RASGRP1: variants seen among roughly 807,000 people sequenced by gnomAD.
The protein encoded by RASGRP1 is RAS guanyl-releasing protein 1.
A neutral mutation model predicts 95.1 loss-of-function variants in RASGRP1; 37 were observed. The observed-to-expected ratio is 0.39, with a 90% confidence interval of 0.30 to 0.51. The LOEUF (loss-of-function observed/expected upper bound fraction) is 0.51. Among genes scored for constraint, RASGRP1 ranks in the 20% least tolerant of loss-of-function variants. The pLI, the probability that RASGRP1 is intolerant of heterozygous loss-of-function variation, is 0.80. For synonymous variants in RASGRP1, 325 were observed against 353.4 expected (o/e 0.92, Z 0.90); for missense variants, 711 against 965.4 (o/e 0.74, Z 3.49).
intron 3 of RASGRP1, among the ~76,000 whole-genome samples, chr15:38,523,300 T>C (rs1892069586): frequency 6.6e-6 from 1 of 152,228 alleles, no homozygotes; most frequent in African/African-American, 2.4e-5. Context: ...CCTGTCTTCA[T>C]AATCCTGACC....
chr15:38,503,224 G>A, intron 11 of RASGRP1, 48 bp downstream of exon 11: 1 of 1,454,662 alleles, frequency 6.9e-7, no homozygotes, highest in Non-Finnish European at 9.5e-7. Flanking sequence ...ATACAAAACT[G>A]AGCCAGGCAA....
At chr15:38,530,160 C>T (rs1892381401) in intron 2 of RASGRP1, among the ~76,000 whole-genome samples, 1 of 152,180 alleles carries the variant, frequency 6.6e-6, no homozygotes, top group Non-Finnish European at 1.5e-5. Flanking sequence ...CTAGTGCAGG[C>T]TGGGTGCTGC....
At chr15:38,554,964 T>C (rs1050289240) in intron 2 of RASGRP1, among the ~76,000 whole-genome samples, 1 of 152,246 alleles carries the variant, frequency 6.6e-6, no homozygotes, top group African/African-American at 2.4e-5. Context: ...TTGCCTGTTA[T>C]TAGGTCTGCA....
At chr15:38,501,395 G>A in intron 12 of RASGRP1, 108 bp from the exon 13 acceptor site, 1 of 1,293,234 alleles carries the variant, frequency 7.7e-7, no homozygotes, top group Non-Finnish European at 1.1e-6. Context: ...ATCCTCAGTG[G>A]TAATATGGTA....
At chr15:38,512,184 G>A (rs536991041) in intron 7 of RASGRP1, among the ~76,000 whole-genome samples, 1 of 152,320 alleles carries the variant, frequency 6.6e-6, no homozygotes, top group African/African-American at 2.4e-5. Flanking sequence ...ATTATTAAGT[G>A]TAATCTTTTA....
intron 9 of RASGRP1, among the ~76,000 whole-genome samples, chr15:38,507,437 TAGGACTGCTTTTGTAG>T (rs1397669022): frequency 6.6e-6 from 1 of 152,182 alleles, no homozygotes. Flanking sequence ...CCAGAGAGCT[TAGGACTGCTTTTGTAG>T]AGGTAGTGAA....
rs921642020 is a variant in RASGRP1 at position 38,490,287 on chromosome 15, T to G, written c.*267A>C. 3.5e-6 allele frequency: 1 copy of G among 284,206 alleles called. No individual in the cohort carries two copies. The highest frequency in any genetic ancestry group is 6.5e-6 in the Non-Finnish European group (1 of 154,672). The allele number at this position is 284,206 out of a possible 1,614,324, so 17.6% of individuals were successfully genotyped here. ...CCATTGTCAGGAAATGATAGTCATG[T>G]TTTAGATCGCATACTTTTGATGAAC... On this transcript the variant is annotated 3_prime_UTR_variant, in exon 17 of 17. Coordinates refer to ENST00000310803, the MANE Select transcript of RASGRP1 (RefSeq NM_005739.4).
At chr15:38,547,861 G>A (rs898693292) in intron 2 of RASGRP1, among the ~76,000 whole-genome samples, 2 of 151,970 alleles carry the variant, frequency 1.3e-5, no homozygotes, top group East Asian at 1.9e-4. Context: ...GTGTGTGCGC[G>A]CGCGCGTGTG....
At chr15:38,506,725 C>A (rs1891275375) in intron 9 of RASGRP1, among the ~76,000 whole-genome samples, 1 of 150,624 alleles carries the variant, frequency 6.6e-6, no homozygotes. Context: ...TAATATTATT[C>A]TTAACCTTGA....
At chr15:38,498,390 AT>A (rs1890879334) in intron 15 of RASGRP1, among the ~76,000 whole-genome samples, 1 of 152,168 alleles carries the variant, frequency 6.6e-6, no homozygotes, top group Non-Finnish European at 1.5e-5. Context: ...TTTATATATT[AT>A]ATATGTTAAT....
At chr15:38,506,901 A>C (rs1056804699) in intron 9 of RASGRP1, among the ~76,000 whole-genome samples, 1 of 152,192 alleles carries the variant, frequency 6.6e-6, no homozygotes, top group Non-Finnish European at 1.5e-5. Flanking sequence ...ATGATGTCTG[A>C]GACACAGACC....
intron 2 of RASGRP1, among the ~76,000 whole-genome samples, chr15:38,528,406 T>G (rs199707241): frequency 1.1e-4 from 1 of 8,704 alleles, no homozygotes; most frequent in Non-Finnish European, 2.9e-4. Context: ...AAATCTTTTA[T>G]TTTTCAAAGT....
At chr15:38,491,263 T>G (rs770406306) in intron 16 of RASGRP1, among the ~76,000 whole-genome samples, 1 of 152,206 alleles carries the variant, frequency 6.6e-6, no homozygotes, top group Non-Finnish European at 1.5e-5. Flanking sequence ...CCTATACTGA[T>G]TACTCCAAGA....
chr15:38,554,287 TAAC>T (rs946201209), intron 2 of RASGRP1, among the ~76,000 whole-genome samples: 1 of 152,128 alleles, frequency 6.6e-6, no homozygotes, highest in Non-Finnish European at 1.5e-5. Context: ...AGGAGCAAAA[TAAC>T]AACCACCTCA....
At position 38,490,488 on chromosome 15, in the gene RASGRP1, G is replaced by A. The variant is rs1890529441; in HGVS notation, c.*66C>T. Reference sequence around the variant, plus strand: ...GGTCAGTGTAAAGTTCCTCAGGTCTGTGCATTACAGTTTAGGAAATGAGAT... The same window carrying A: ...GGTCAGTGTAAAGTTCCTCAGGTCTATGCATTACAGTTTAGGAAATGAGAT... On this transcript the variant is annotated 3_prime_UTR_variant, in exon 17 of 17. Coordinates refer to ENST00000310803, the MANE Select transcript of RASGRP1 (RefSeq NM_005739.4). 3 of 1,537,562 alleles carry A rather than the reference G, an allele frequency of 2.0e-6. No individual in the cohort carries two copies. The highest frequency in any genetic ancestry group is 2.5e-5 in the South Asian group (2 of 79,302).
At position 38,502,047 on chromosome 15, in the gene RASGRP1, G is replaced by A. The variant is rs566300057; in HGVS notation, c.1538+265C>T. On this transcript the variant is annotated intron_variant, in intron 12 of 16. Coordinates refer to ENST00000310803, the MANE Select transcript of RASGRP1 (RefSeq NM_005739.4). Reference sequence around the variant, plus strand: ...TTTTTGTATTTTTAGTAGAGACAGGGTTTCACCATGTTGGCCAGGTTGGTC... The same window carrying A: ...TTTTTGTATTTTTAGTAGAGACAGGATTTCACCATGTTGGCCAGGTTGGTC... Among the ~76,000 whole-genome samples the A allele has an allele frequency of 6.6e-5, 10 of 152,174 alleles. No homozygotes were observed. The East Asian group carries it at 1.9e-3, about 29-fold the overall frequency.
intron 1 of RASGRP1, among the ~76,000 whole-genome samples, chr15:38,563,812 G>A (rs1893910564): frequency 6.6e-6 from 1 of 152,178 alleles, no homozygotes; most frequent in Admixed American, 6.5e-5. Flanking sequence ...GCCGCTACTG[G>A]GTATGGTGGT....
intron 2 of RASGRP1, among the ~76,000 whole-genome samples, chr15:38,530,338 C>T (rs1892387144): frequency 6.6e-6 from 1 of 152,120 alleles, no homozygotes; most frequent in Non-Finnish European, 1.5e-5. Context: ...ATTCTGTTGG[C>T]CAAAGCAAGT....
chr15:38,532,488 C>T (rs532429119), intron 2 of RASGRP1, among the ~76,000 whole-genome samples: 4 of 152,256 alleles, frequency 2.6e-5, no homozygotes, highest in African/African-American at 9.6e-5. Context: ...GTCTCTGGGC[C>T]AACAGCCTAT....
Sources: allele counts gnomAD v4.1 joint callset (sites outside exome capture counted in the v4.1 genomes callset), GRCh38; gene constraint gnomAD v4.1.1; transcripts MANE v1.5; gene names NCBI Gene and HGNC (gene_info 2026-07-23, HGNC 2026-07-21).